Variants in DNAH6 observed in about 807,000 individuals in gnomAD.
DNAH6 encodes dynein axonemal heavy chain 6, also known as axonemal beta dynein heavy chain 6.
DNAH6 carries 340 observed loss-of-function variants against 491.4 expected under a neutral mutation model. The observed-to-expected ratio is 0.69, with a 90% CI of 0.63 to 0.76. The LOEUF (loss-of-function observed/expected upper bound fraction) is 0.76. Ranked by LOEUF, DNAH6 falls within the 30% of genes least tolerant of loss-of-function variation. The pLI is 0.00. For missense variants in DNAH6, 4,443 were observed against 4,972.2 expected (o/e 0.89, Z 3.20); for synonymous variants, 1,603 against 1,686.1 (o/e 0.95, Z 1.21).
At chr2:84,614,187 T>C (rs1423885845) in intron 22 of DNAH6, among the ~76,000 whole-genome samples, 1 of 152,016 alleles carries the variant, frequency 6.6e-6, no homozygotes, top group Non-Finnish European at 1.5e-5. Context: ...CTCAGCTCCC[T>C]CCCATCCTTT....
At chr2:84,570,162 T>TA (rs1247126826) in intron 11 of DNAH6, among the ~76,000 whole-genome samples, 2 of 152,028 alleles carry the variant, frequency 1.3e-5, no homozygotes, top group African/African-American at 4.8e-5. Flanking sequence ...ATTATTCACC[T>TA]AAAAAAATAA....
At chr2:84,711,141 G>A (rs776545360) in intron 56 of DNAH6, among the ~76,000 whole-genome samples, 7 of 152,150 alleles carry the variant, frequency 4.6e-5, no homozygotes, top group Non-Finnish European at 7.4e-5. Flanking sequence ...TAAAGAGGGG[G>A]CTGGGATAGT....
At chr2:84,777,642 C>T in intron 64 of DNAH6, 2 of 807,166 alleles carry the variant, frequency 2.5e-6, no homozygotes, top group Non-Finnish European at 4.5e-6. Flanking sequence ...ACATTCACTC[C>T]ACTCCATACA....
At position 84,706,853 on chromosome 2, in the gene DNAH6, C is replaced by CT. The variant is rs774752932; in HGVS notation, c.8728-36dup. 1.1e-5 allele frequency: 16 copies of CT among 1,508,042 alleles called. 1 individual carries two copies. The highest frequency in any genetic ancestry group is 3.5e-4 in the Middle Eastern group (2 of 5,728). 93.4% of individuals were successfully genotyped at this position (1,508,042 alleles called of 1,614,324 possible). ...TGTATTATTAATGGGCAAATTCAGC[C>CT]TTTTTTTGGCCCTGTTCTTAAACAG... On this transcript the variant is annotated intron_variant, in intron 52 of 76. Coordinates refer to ENST00000389394, the MANE Select transcript of DNAH6 (RefSeq NM_001370.2).
Position 84,588,842 on chromosome 2 carries a change from A to G in DNAH6, c.2498A>G (p.Asp833Gly), listed in dbSNP as rs968434675. The change falls in exon 16 of 77, where the codon GAT becomes GGT. Residue 833 changes from aspartate to glycine, a missense_variant. Asp to Gly is a moderately conservative substitution (Grantham distance 94). Coordinates refer to ENST00000389394, the MANE Select transcript of DNAH6 (RefSeq NM_001370.2). ...AATTTATAGGATCCACAGATTTTAG[A>G]TATCTCTGCTGACCAAGACAAAATA... ...KLQAQDPQIL[D>G]ISADQDKIRL... The G allele has an allele frequency of 2.6e-6, 4 of 1,544,048 alleles. No individual in the cohort carries two copies. The highest frequency in any genetic ancestry group is 2.6e-6 in the Non-Finnish European group (3 of 1,144,370).
rs1018116257 is a variant in DNAH6, at chr2:84,624,467, G to A, written c.4200G>A (p.Val1400=). The part of the protein sequence containing the change: ...DIVTELVQSK[V]ETVESFDWQR... ...TCTAATATGTATATCACATATAGGT[G>A]GAGACAGTTGAATCTTTTGACTGGC... Residue 1400 remains valine (V), a splice_region_variant and synonymous_variant, in exon 28 of 77, where the codon GTG becomes GTA. Coordinates refer to ENST00000389394, the MANE Select transcript of DNAH6 (RefSeq NM_001370.2). 1.9e-6 allele frequency: 3 copies of A among 1,551,632 alleles called. No individual in the cohort carries two copies. Among genetic ancestry groups the A allele is most frequent in the Admixed American group, 2.0e-5 (1 of 50,984 alleles).
chr2:84,775,813 A>G (rs945842800), intron 64 of DNAH6, among the ~76,000 whole-genome samples: 2 of 152,116 alleles, frequency 1.3e-5, no homozygotes, highest in African/African-American at 2.4e-5. Flanking sequence ...GTTATTAATA[A>G]TAGTCTCTGA....
At chr2:84,748,956 C>T (rs1192272) in intron 63 of DNAH6, among the ~76,000 whole-genome samples, 37,879 of 152,060 alleles carry the variant, frequency 0.25, 5,297 homozygotes, top group African/African-American at 0.4. Flanking sequence ...ACATGTCACA[C>T]GGTGTGAGAG....
chr2:84,643,899 T>G (rs930065898), intron 33 of DNAH6, among the ~76,000 whole-genome samples: 10 of 134,578 alleles, frequency 7.4e-5, no homozygotes, highest in East Asian at 3.9e-4. Context: ...TCAAATTGTG[T>G]TTTTTTTTGT....
Position 84,685,200 on chromosome 2 carries a change from G to T in DNAH6, c.6917-126G>T, listed in dbSNP as rs1694151650. On this transcript the variant is annotated intron_variant, in intron 42 of 76. Coordinates refer to ENST00000389394, the MANE Select transcript of DNAH6 (RefSeq NM_001370.2). Reference sequence around the variant, plus strand: ...CTATTAGTATATGTGTATATCCACTGGGGAAGCAGTCATTTTTGGCAATAT... The same window carrying T: ...CTATTAGTATATGTGTATATCCACTTGGGAAGCAGTCATTTTTGGCAATAT... 5.1e-6 allele frequency: 3 copies of T among 586,132 alleles called. No individual in the cohort carries two copies. The South Asian group carries it at 1.4e-4, about 27-fold the overall frequency. 36.3% of individuals were successfully genotyped at this position (586,132 alleles called of 1,614,324 possible).
chr2:84,736,591 G>A (rs1268514482), intron 62 of DNAH6, among the ~76,000 whole-genome samples: 2 of 151,838 alleles, frequency 1.3e-5, no homozygotes, highest in Admixed American at 6.6e-5. Flanking sequence ...TATTTTTGTG[G>A]CTATTTTAAA....
intron 70 of DNAH6, among the ~76,000 whole-genome samples, chr2:84,800,768 ACTAAAT>A (rs1678811324): frequency 6.6e-6 from 1 of 152,220 alleles, no homozygotes; most frequent in South Asian, 2.1e-4. Flanking sequence ...ATGTAAAGTG[ACTAAAT>A]CTACCATTTA....
Position 84,582,475 on chromosome 2 carries a change from G to A in DNAH6, c.2230-1524G>A, listed in dbSNP as rs369146053. Among the ~76,000 whole-genome samples the A allele has an allele frequency of 7.1e-4, 108 of 152,248 alleles. 1 individual carries two copies. The highest frequency in any genetic ancestry group is 2.5e-3 in the African/African-American group (102 of 41,572). ...TGTTTTTGTTTTTTTCCTTTGAGAC[G>A]GAGTCTCGCTCTGTCGCCCGGCCTG... On this transcript the variant is annotated intron_variant, in intron 14 of 76. Transcript: ENST00000389394.
Position 84,634,553 on chromosome 2 carries a change from G to A in DNAH6, c.4565G>A (p.Cys1522Tyr). 3 of 1,550,254 alleles carry A rather than the reference G, an allele frequency of 1.9e-6. No individual in the cohort carries two copies. The highest frequency in any genetic ancestry group is 1.7e-6 in the Non-Finnish European group (2 of 1,146,382). ...TTGGCACAGTCAGGGGCCTGGTGCT[G>A]CTTTGATGAATTTAATCGAATTGAC... is the stretch of plus-strand genomic sequence containing the variant. ...SGLAQSGAWC[C>Y]FDEFNRIDIE... Residue 1522 changes from cysteine (C) to tyrosine (Y), a missense_variant, in exon 30 of 77, where the codon TGC becomes TAC. Cys to Tyr is a radical substitution (Grantham distance 194). Around this residue, in one of 3 missense-constraint regions of DNAH6, gnomAD observed 2,977 missense variants for 3,296.6 expected, o/e 0.90. Coordinates refer to ENST00000389394, the MANE Select transcript of DNAH6 (RefSeq NM_001370.2).
the DNAH6 span, among the ~76,000 whole-genome samples, chr2:84,497,182 A>G: frequency 1.5e-4 from 23 of 152,020 alleles, no homozygotes; most frequent in Non-Finnish European, 2.5e-4. Context: ...TGTTGGCCAG[A>G]CTGGTCTCAA....
intron 72 of DNAH6, among the ~76,000 whole-genome samples, chr2:84,809,039 G>A (rs1229363426): frequency 1.3e-5 from 2 of 152,110 alleles, no homozygotes; most frequent in African/African-American, 4.8e-5. Flanking sequence ...CAGGGCCTGG[G>A]AATATGAATT....
the DNAH6 span, among the ~76,000 whole-genome samples, chr2:84,495,363 A>G: frequency 6.6e-6 from 1 of 152,106 alleles, no homozygotes; most frequent in Non-Finnish European, 1.5e-5. Flanking sequence ...GGGTTTCACC[A>G]TGTTGGCCAG....
At position 84,697,625 on chromosome 2, in the gene DNAH6, T is replaced by C. The variant is rs1210622483; in HGVS notation, c.7575T>C (p.Gly2525=). The C allele has an allele frequency of 6.4e-7, 1 of 1,551,862 alleles. No individual in the cohort carries two copies. Among genetic ancestry groups the C allele is most frequent in the Admixed American group, 2.0e-5 (1 of 50,982 alleles). ...ATATAAATAACATCCTGAACTCAGG[T>C]GAAGTGCCTAATTTATTTGAAAAGG... is the stretch of plus-strand genomic sequence containing the variant. ...LEDINNILNS[G]EVPNLFEKDE... is the part of the protein sequence containing the mutation. Residue 2525 remains glycine (G), a synonymous_variant, in exon 47 of 77, where the codon GGT becomes GGC. Transcript: ENST00000389394.
At chr2:84,803,195 G>C (rs1679090968) in intron 70 of DNAH6, among the ~76,000 whole-genome samples, 1 of 152,074 alleles carries the variant, frequency 6.6e-6, no homozygotes. Flanking sequence ...GAAGAATGCA[G>C]AAACAGAAAA....
Sources: gnomAD v4.1 joint callset for allele counts (sites outside exome capture counted in the v4.1 genomes callset) on GRCh38, gnomAD v4.1.1 for gene constraint, gnomAD v4.1.1 regional missense constraint, MANE v1.5 for transcripts, NCBI Gene and HGNC (gene_info 2026-07-23, HGNC 2026-07-21) for gene names.